CRIM1: variants seen among roughly 807,000 people sequenced by gnomAD.
CRIM1 encodes cysteine-rich motor neuron 1 protein.
A neutral mutation model predicts 116.4 loss-of-function variants in CRIM1; 32 were observed. The observed-to-expected ratio is 0.27, with a 90% CI of 0.21 to 0.37. The LOEUF (loss-of-function observed/expected upper bound fraction) is 0.37. CRIM1 is among the 10% of genes least tolerant of loss of function. CRIM1 has a pLI of 1.00. For missense variants in CRIM1, 1,331 were observed against 1,354.8 expected, an observed-to-expected ratio of 0.98 and a Z score of 0.28; for synonymous variants, 590 against 509.2, an observed-to-expected ratio of 1.16 and a Z score of -2.13.
At chr2:36,399,162 A>G (rs183302015) in intron 2 of CRIM1, among the ~76,000 whole-genome samples, 1 of 152,374 alleles carries the variant, frequency 6.6e-6, no homozygotes, top group African/African-American at 2.4e-5. Flanking sequence ...GGATAGGACC[A>G]GATTATGAAA....
chr2:36,540,192 T>C (rs1310080106), intron 14 of CRIM1, among the ~76,000 whole-genome samples: 7 of 152,168 alleles, frequency 4.6e-5, no homozygotes, highest in African/African-American at 1.4e-4. Context: ...TAAGATGCGA[T>C]GTGGGAACAG....
chr2:36,468,463 CA>C (rs1267553453), intron 5 of CRIM1, among the ~76,000 whole-genome samples: 1 of 152,154 alleles, frequency 6.6e-6, no homozygotes, highest in Non-Finnish European at 1.5e-5. Context: ...CATTCTCTGA[CA>C]AGCGCCGAAA....
intron 1 of CRIM1, among the ~76,000 whole-genome samples, chr2:36,367,444 C>T (rs1669674250): frequency 2.0e-5 from 3 of 152,152 alleles, no homozygotes; most frequent in East Asian, 1.9e-4. Context: ...CTCTTAATAG[C>T]CCAGTGACTT....
At chr2:36,377,420 G>C (rs1003183606) in intron 1 of CRIM1, among the ~76,000 whole-genome samples, 1 of 152,188 alleles carries the variant, frequency 6.6e-6, no homozygotes, top group Non-Finnish European at 1.5e-5. Flanking sequence ...TTATTAATGA[G>C]AAACAAAATC....
At chr2:36,366,549 G>A (rs911666321) in intron 1 of CRIM1, among the ~76,000 whole-genome samples, 4 of 151,840 alleles carry the variant, frequency 2.6e-5, no homozygotes, top group African/African-American at 7.3e-5. Flanking sequence ...AAAAAAAAAA[G>A]GAGAGGGAGT....
At chr2:36,417,337 T>C (rs1268264426) in intron 2 of CRIM1, among the ~76,000 whole-genome samples, 2 of 152,222 alleles carry the variant, frequency 1.3e-5, no homozygotes, top group African/African-American at 4.8e-5. Context: ...AATAGCTTTG[T>C]TTATTGGCCT....
chr2:36,464,584 C>T lies in CRIM1; in HGVS notation c.920C>T (p.Ser307Phe), dbSNP rs1353365524. Residue 307 changes from serine to phenylalanine, a missense_variant, in exon 5 of 17, where the codon TCC becomes TTC. Transcript: ENST00000280527. The stretch of plus-strand genomic sequence containing the variant: ...GGTTTCCCCGTGTGTGAGGTGGGAT[C>T]CACTCCCCGCATAGTCTCTCGTGGC... Reference protein sequence around the residue: ...LCGFPVCEVGSTPRIVSRGDG... With the variant: ...LCGFPVCEVGFTPRIVSRGDG... The T allele has an allele frequency of 3.1e-6, 5 of 1,614,018 alleles. No homozygotes were observed. The highest frequency in any genetic ancestry group is 4.2e-6 in the Non-Finnish European group (5 of 1,179,976).
chr2:36,359,486 C>T lies in CRIM1; in HGVS notation c.331+2863C>T, dbSNP rs187819328. ...GATAAATCATGGGCAGAAATGGGCC[C>T]CTTTCAGCTTGTGGCTCACAGCCTT... On this transcript the variant is annotated intron_variant, in intron 1 of 16. Transcript: ENST00000280527. Among the ~76,000 whole-genome samples the T allele has an allele frequency of 2.0e-3, 305 of 152,208 alleles. 1 individual carries two copies. The highest frequency in any genetic ancestry group is 0.016 in the South Asian group (76 of 4,820).
chr2:36,515,040 C>G (rs1229308138), intron 11 of CRIM1, among the ~76,000 whole-genome samples: 2 of 152,170 alleles, frequency 1.3e-5, no homozygotes, highest in African/African-American at 2.4e-5. Flanking sequence ...CTGCTAGAGT[C>G]CCCTGCATAA....
chr2:36,541,448 C>T (rs771245991), intron 14 of CRIM1, among the ~76,000 whole-genome samples: 10 of 152,134 alleles, frequency 6.6e-5, no homozygotes, highest in South Asian at 2.1e-4. Flanking sequence ...AACTGAGGCT[C>T]AGGAAAGGTA....
rs753927686 is a variant in CRIM1 at position 36,547,240 on chromosome 2, C to T, written c.2934+69C>T. ...AAAACTTACACTCATATTGAAATTG[C>T]TTGAAACCTTGTGTCTTAACCAGTG... On this transcript the variant is annotated intron_variant, in intron 16 of 16. Transcript: ENST00000280527. The T allele has an allele frequency of 1.2e-4, 153 of 1,278,448 alleles. 3 individuals carry two copies. In the South Asian group the frequency reaches 1.8e-3, roughly 15 times the overall value. 79.2% of individuals were successfully genotyped at this position (1,278,448 alleles called of 1,614,324 possible). A position where few individuals can be genotyped will look rare whatever the true frequency, so the allele number is the denominator to read the frequency against.
chr2:36,440,386 A>G (rs957037613), intron 2 of CRIM1, among the ~76,000 whole-genome samples: 4 of 152,138 alleles, frequency 2.6e-5, no homozygotes, highest in African/African-American at 7.2e-5. Flanking sequence ...ATCTCCCACC[A>G]AAGGTCCTGG....
intron 12 of CRIM1, 113 bp from the exon 13 acceptor site, chr2:36,521,979 A>G: frequency 1.2e-6 from 1 of 800,528 alleles, no homozygotes; most frequent in Middle Eastern, 3.7e-4. Flanking sequence ...TGCGTCATGT[A>G]TTTAAGGAGG....
At chr2:36,373,805 GC>G in intron 1 of CRIM1, among the ~76,000 whole-genome samples, 1 of 152,180 alleles carries the variant, frequency 6.6e-6, no homozygotes, top group Non-Finnish European at 1.5e-5. Context: ...ATACACCCAT[GC>G]AAAAATTGCT....
chr2:36,439,497 CGCCAGGTACCCCT>C (rs928912141), intron 2 of CRIM1, among the ~76,000 whole-genome samples: 1 of 152,158 alleles, frequency 6.6e-6, no homozygotes, highest in African/African-American at 2.4e-5. Context: ...GGTTCTAAAT[CGCCAGGTACCCCT>C]GCTGCTCATC....
intron 1 of CRIM1, among the ~76,000 whole-genome samples, chr2:36,366,200 C>CT (rs1000173908): frequency 1.3e-5 from 2 of 151,696 alleles, no homozygotes; most frequent in South Asian, 2.1e-4. Flanking sequence ...TGGTTTACAA[C>CT]TTTTTTTTTC....
chr2:36,550,066 T>TGCGCGC lies in CRIM1; in HGVS notation c.*1368_*1373dup, dbSNP rs34148376. On this transcript the variant is annotated 3_prime_UTR_variant, in exon 17 of 17. Coordinates refer to ENST00000280527, the MANE Select transcript of CRIM1 (RefSeq NM_016441.3). ...ATGTGTGTGTGTGTGTGTGTGTGTG[T>TGCGCGC]GCGCGCGCACGCACGCCTTGAGCAG... 1.1e-4 allele frequency: 17 copies of TGCGCGC among 149,770 alleles called. No homozygotes were observed. Among genetic ancestry groups the TGCGCGC allele is most frequent in the African/African-American group, 4.0e-4 (16 of 40,008 alleles). 9.3% of individuals were successfully genotyped at this position (149,770 alleles called of 1,614,324 possible).
chr2:36,469,917 C>G (rs1405177523), intron 5 of CRIM1, among the ~76,000 whole-genome samples: 1 of 152,100 alleles, frequency 6.6e-6, no homozygotes, highest in African/African-American at 2.4e-5. Context: ...ATAGGATATG[C>G]TTGGTGTCCT....
chr2:36,492,363 ACTC>A (rs1274196577), intron 7 of CRIM1, among the ~76,000 whole-genome samples: 1 of 151,886 alleles, frequency 6.6e-6, no homozygotes, highest in Non-Finnish European at 1.5e-5. Flanking sequence ...GAATTTGAAA[ACTC>A]CAACCGTAAG....
Sources: gnomAD v4.1 joint callset for allele counts (sites outside exome capture counted in the v4.1 genomes callset) on GRCh38, gnomAD v4.1.1 for gene constraint, MANE v1.5 for transcripts, NCBI Gene and HGNC (gene_info 2026-07-23, HGNC 2026-07-21) for gene names.